The following SHB variants were observed in gnomAD, a reference collection of about 807,000 sequenced individuals.
The protein encoded by SHB is SH2 domain containing adaptor protein B.
Under a neutral mutation model 52.3 loss-of-function variants are expected in SHB, and 20 were observed. The observed-to-expected ratio is 0.38, with a 90% CI of 0.27 to 0.56. The LOEUF (loss-of-function observed/expected upper bound fraction) is 0.56. SHB is among the 20% of genes least tolerant of loss of function. SHB has a pLI of 0.71. For missense variants in SHB, 825 were observed against 723.3 expected, an observed-to-expected ratio of 1.14 and a Z score of -1.61; for synonymous variants, 397 against 316.5, an observed-to-expected ratio of 1.25 and a Z score of -2.70.
In SHB at chr9:38,022,662, G is replaced by A. The variant is rs74459495; in HGVS notation, c.718-6531C>T. Among the ~76,000 whole-genome samples the A allele has an allele frequency of 4.5e-3, 682 of 152,332 alleles. 10 individuals are homozygous for A. The highest frequency in any genetic ancestry group is 0.016 in the African/African-American group (657 of 41,572). ...GGCCCTAGCGGGCCTGATGTCCACA[G>A]GAAGGAGGCTCTGTTGCCATGCCAA... On this transcript the variant is annotated intron_variant, in intron 1 of 5. Coordinates refer to ENST00000377707, the MANE Select transcript of SHB (RefSeq NM_003028.3).
chr9:38,023,637 G>A (rs531791706), intron 1 of SHB, among the ~76,000 whole-genome samples: 1 of 152,318 alleles, frequency 6.6e-6, no homozygotes, highest in African/African-American at 2.4e-5. Flanking sequence ...AACACAAAAA[G>A]GAAAATGTTT....
chr9:38,014,812 C>T (rs1163455696), intron 2 of SHB, among the ~76,000 whole-genome samples: 1 of 152,204 alleles, frequency 6.6e-6, no homozygotes, highest in African/African-American at 2.4e-5. Context: ...GCACCCAGAT[C>T]CTTCAACAAT....
chr9:37,975,313 T>A (rs893844472), intron 2 of SHB, among the ~76,000 whole-genome samples: 1 of 152,226 alleles, frequency 6.6e-6, no homozygotes, highest in Non-Finnish European at 1.5e-5. Context: ...CACATTCATT[T>A]AAAAGAACCA....
chr9:37,934,534 C>G (rs970914440), intron 5 of SHB, among the ~76,000 whole-genome samples: 18 of 152,024 alleles, frequency 1.2e-4, no homozygotes, highest in African/African-American at 4.4e-4. Flanking sequence ...CTCCTAGGCT[C>G]AAGTGATCCT....
At chr9:37,945,740 C>A (rs1196292996) in intron 5 of SHB, among the ~76,000 whole-genome samples, 1 of 152,178 alleles carries the variant, frequency 6.6e-6, no homozygotes, top group African/African-American at 2.4e-5. Context: ...CCCAGTCTCC[C>A]TCGACGTCCT....
chr9:38,065,515 A>AGGAT (rs1821950337), intron 1 of SHB, among the ~76,000 whole-genome samples: 1 of 152,202 alleles, frequency 6.6e-6, no homozygotes, highest in Admixed American at 6.5e-5. Context: ...CAGACGCTGC[A>AGGAT]GGATGGGCCC....
At chr9:38,050,116 G>T (rs1230122464) in intron 1 of SHB, among the ~76,000 whole-genome samples, 3 of 152,212 alleles carry the variant, frequency 2.0e-5, no homozygotes, top group Non-Finnish European at 2.9e-5. Flanking sequence ...AATGCATGAT[G>T]ATCTGAAACA....
intron 2 of SHB, among the ~76,000 whole-genome samples, chr9:38,002,645 A>G (rs1205523719): frequency 1.3e-5 from 2 of 152,160 alleles, no homozygotes; most frequent in Non-Finnish European, 2.9e-5. Context: ...TAGTCCCCCA[A>G]CCTAGCTTGG....
chr9:38,039,438 G>A (rs1821540700), intron 1 of SHB, among the ~76,000 whole-genome samples: 1 of 152,256 alleles, frequency 6.6e-6, no homozygotes, highest in Non-Finnish European at 1.5e-5. Context: ...CAAGAAGTCT[G>A]CAAGATCCGA....
rs148833113 is a variant in SHB at position 37,930,846 on chromosome 9, A to G, written c.1347-10842T>C. Among the ~76,000 whole-genome samples, 1,297 of 152,306 alleles carry G rather than the reference A, an allele frequency of 8.5e-3. 15 individuals are homozygous for G. The highest frequency in any genetic ancestry group is 0.029 in the African/African-American group (1,185 of 41,562). ...AAGAAAAGAAAGTTGGGGGCATCAC[A>G]CTTCCTGATTTGAAATTATATTACA... On this transcript the variant is annotated intron_variant, in intron 5 of 5. Coordinates refer to ENST00000377707, the MANE Select transcript of SHB (RefSeq NM_003028.3).
intron 5 of SHB, among the ~76,000 whole-genome samples, chr9:37,924,712 G>C (rs982868800): frequency 6.6e-6 from 1 of 152,146 alleles, no homozygotes; most frequent in Non-Finnish European, 1.5e-5. Context: ...CTGGGTACTG[G>C]GCTCTGAGCT....
intron 5 of SHB, among the ~76,000 whole-genome samples, chr9:37,947,681 T>G (rs1324916267): frequency 6.6e-6 from 1 of 152,232 alleles, no homozygotes; most frequent in Non-Finnish European, 1.5e-5. Context: ...TTCACCTTCC[T>G]TGGTTTTACT....
chr9:38,026,346 G>A (rs1273763587), intron 1 of SHB, among the ~76,000 whole-genome samples: 4 of 152,224 alleles, frequency 2.6e-5, no homozygotes, highest in African/African-American at 4.8e-5. Flanking sequence ...GCACGAGATC[G>A]GGCCAGCACA....
rs756635370 is a variant in SHB, at chr9:38,068,527, G to T, written c.119C>A (p.Pro40His). The change falls in exon 1 of 6, where the codon CCC (proline) becomes CAC (histidine). Residue 40 changes from proline (P) to histidine (H), a missense_variant. By Grantham distance (77) the Pro-to-His change is moderately conservative (BLOSUM62 -2). Transcript: ENST00000377707. The stretch of plus-strand genomic sequence containing the variant: ...GGAGGCCTGCGGCACGGCCTGGGGG[G>T]GCTGCGAAGGCCGCTCGCCTCGGCG... The part of the protein sequence containing the change: ...QRRRGERPSQ[P>H]PQAVPQASSA... 7.6e-5 allele frequency: 111 copies of T among 1,456,184 alleles called. No homozygotes were observed. The highest frequency in any genetic ancestry group is 8.5e-5 in the East Asian group (3 of 35,136). The allele number at this position is 1,456,184 out of a possible 1,614,324, so 90.2% of individuals were successfully genotyped here.
chr9:38,059,756 G>A (rs1038905570), intron 1 of SHB, among the ~76,000 whole-genome samples: 4 of 152,118 alleles, frequency 2.6e-5, no homozygotes, highest in African/African-American at 9.7e-5. Context: ...GGCACAAAGG[G>A]CACTGGCCTC....
intron 1 of SHB, among the ~76,000 whole-genome samples, chr9:38,025,857 C>T (rs1821334360): frequency 6.6e-6 from 1 of 152,198 alleles, no homozygotes; most frequent in African/African-American, 2.4e-5. Flanking sequence ...ACCAGAGGCT[C>T]CAAGTAACAA....
Position 37,971,289 on chromosome 9 carries a change from C to T in SHB, c.1054+3333G>A, listed in dbSNP as rs115166200. ...AGGTGGGGGTCCTCGCCATCCTTCC[C>T]GGGAAGCTGCACTTCTGGTTTTACA... On this transcript the variant is annotated intron_variant, in intron 3 of 5. Transcript: ENST00000377707. Among the ~76,000 whole-genome samples, 1,063 of 152,284 alleles carry T rather than the reference C, an allele frequency of 7.0e-3. 15 individuals are homozygous for T. Among genetic ancestry groups the T allele is most frequent in the African/African-American group, 0.024 (1,007 of 41,560 alleles).
At chr9:38,044,904 G>A (rs567617660) in intron 1 of SHB, among the ~76,000 whole-genome samples, 17 of 152,340 alleles carry the variant, frequency 1.1e-4, no homozygotes, top group African/African-American at 3.8e-4. Flanking sequence ...TCCGCCAGAG[G>A]TGTGGACATG....
intron 2 of SHB, among the ~76,000 whole-genome samples, chr9:37,993,256 T>C (rs1820906014): frequency 6.6e-6 from 1 of 152,076 alleles, no homozygotes; most frequent in African/African-American, 2.4e-5. Context: ...GGATGCCTAC[T>C]TGAATGTGTG....
Sources: allele counts gnomAD v4.1 joint callset (sites outside exome capture counted in the v4.1 genomes callset), GRCh38; gene constraint gnomAD v4.1.1; transcripts MANE v1.5; gene names NCBI Gene and HGNC (gene_info 2026-07-23, HGNC 2026-07-21).